Variants in GRIA4 observed in about 807,000 individuals in gnomAD.
The protein encoded by GRIA4 is glutamate ionotropic receptor AMPA type subunit 4.
GRIA4 carries 34 observed loss-of-function variants against 104.0 expected under a neutral mutation model. The observed-to-expected ratio is 0.33, with a 90% CI of 0.25 to 0.44. The LOEUF is 0.44. Ranked by LOEUF, GRIA4 falls within the 20% of genes least tolerant of loss-of-function variation. The probability of loss-of-function intolerance (pLI) is 1.00; values close to 1 mark genes in which losing one functional copy is unlikely to be tolerated. For synonymous variants in GRIA4, 386 were observed against 381.9 expected, an observed-to-expected ratio of 1.01 and a Z score of -0.13; for missense variants, 750 against 1,096.5, an observed-to-expected ratio of 0.68 and a Z score of 4.46.
At chr11:105,671,118 C>T (rs1205632005) in intron 3 of GRIA4, among the ~76,000 whole-genome samples, 1 of 152,074 alleles carries the variant, frequency 6.6e-6, no homozygotes, top group African/African-American at 2.4e-5. Context: ...TGGGTAATAC[C>T]AGATAATTTT....
chr11:105,798,110 A>G (rs534723541), intron 4 of GRIA4, among the ~76,000 whole-genome samples: 1 of 152,252 alleles, frequency 6.6e-6, no homozygotes, highest in Non-Finnish European at 1.5e-5. Context: ...ATACACACAC[A>G]CACATGCACA....
At chr11:105,762,117 A>G (rs1940685939) in intron 4 of GRIA4, among the ~76,000 whole-genome samples, 1 of 150,674 alleles carries the variant, frequency 6.6e-6, no homozygotes, top group Non-Finnish European at 1.5e-5. Context: ...TCTGTCTCCC[A>G]GCTTTAAGCG....
At chr11:105,822,919 G>A (rs982159294) in intron 4 of GRIA4, among the ~76,000 whole-genome samples, 2 of 152,100 alleles carry the variant, frequency 1.3e-5, no homozygotes, top group Admixed American at 1.3e-4. Flanking sequence ...TCTTTCTGCT[G>A]TCTTTAATAC....
chr11:105,869,271 T>A (rs1945534482), intron 5 of GRIA4, among the ~76,000 whole-genome samples: 1 of 152,156 alleles, frequency 6.6e-6, no homozygotes, highest in South Asian at 2.1e-4. Context: ...ACGATTAGGT[T>A]AGGTTCAACT....
At chr11:105,675,467 G>A (rs1952507189) in intron 3 of GRIA4, among the ~76,000 whole-genome samples, 1 of 151,784 alleles carries the variant, frequency 6.6e-6, no homozygotes, top group African/African-American at 2.4e-5. Context: ...TCCAGCATTA[G>A]CGTTCCTCTC....
intron 4 of GRIA4, among the ~76,000 whole-genome samples, chr11:105,766,952 T>G (rs1489964605): frequency 1.3e-5 from 2 of 152,176 alleles, no homozygotes; most frequent in Admixed American, 1.3e-4. Context: ...TTGTCCTTTC[T>G]TGCTTTATTC....
At position 105,931,536 on chromosome 11, in the gene GRIA4, C is replaced by G. The variant is rs71486034; in HGVS notation, c.2047-2186C>G. On this transcript the variant is annotated intron_variant, in intron 13 of 16. Transcript: ENST00000282499. ...TGGCCAACATGATGAAACCCCGTCTCTACTAAAAAAATACAAAAATTAGCT... is the reference window on the plus strand; with the variant it reads ...TGGCCAACATGATGAAACCCCGTCTGTACTAAAAAAATACAAAAATTAGCT... Among the ~76,000 whole-genome samples, 550 of 152,002 alleles carry G rather than the reference C, an allele frequency of 3.6e-3. 1 individual carries two copies. The highest frequency in any genetic ancestry group is 5.6e-3 in the Non-Finnish European group (379 of 67,968).
intron 5 of GRIA4, among the ~76,000 whole-genome samples, chr11:105,871,983 T>C (rs954499764): frequency 6.6e-6 from 1 of 151,992 alleles, no homozygotes; most frequent in Non-Finnish European, 1.5e-5. Flanking sequence ...AAGTCAGAAA[T>C]GTATGTGAAA....
At chr11:105,755,938 T>C (rs1940286211) in intron 4 of GRIA4, among the ~76,000 whole-genome samples, 1 of 152,178 alleles carries the variant, frequency 6.6e-6, no homozygotes, top group African/African-American at 2.4e-5. Context: ...CGTCATTGCC[T>C]CCTCTGGTTC....
chr11:105,844,628 T>C lies in GRIA4; in HGVS notation c.488-17396T>C, dbSNP rs111452888. Among the ~76,000 whole-genome samples the C allele has an allele frequency of 1.8e-3, 269 of 152,360 alleles. 2 individuals carry two copies. Among genetic ancestry groups the C allele is most frequent in the African/African-American group, 6.2e-3 (257 of 41,576 alleles). ...TGTACATTTTTAGGACTTATGTCAC[T>C]GGGAAAATATGTTAAGAATTATTTC... On this transcript the variant is annotated intron_variant, in intron 4 of 16. Transcript: ENST00000282499.
At position 105,860,956 on chromosome 11, in the gene GRIA4, GAAAAAAAA is replaced by G. The variant is rs55824302; in HGVS notation, c.488-1054_488-1047del. Reference sequence around the variant, plus strand: ...CCTGGGCAACAGAGCAAGACTGTCTGAAAAAAAAAAAAAAAAAAAAAGAGAGATGGAAA... The same window carrying G: ...CCTGGGCAACAGAGCAAGACTGTCTGAAAAAAAAAAAAAGAGAGATGGAAA... On this transcript the variant is annotated intron_variant, in intron 4 of 16. Transcript: ENST00000282499. 3.8e-3 allele frequency among the ~76,000 whole-genome samples: 402 copies of G among 106,100 alleles called. 2 individuals carry two copies. Among genetic ancestry groups the G allele is most frequent in the African/African-American group, 0.012 (338 of 28,074 alleles). The allele number at this position is 106,100 out of a possible 152,430, so 69.6% of individuals were successfully genotyped here. A position where few individuals can be genotyped will look rare whatever the true frequency, so the allele number is the denominator to read the frequency against.
intron 3 of GRIA4, among the ~76,000 whole-genome samples, chr11:105,700,056 C>A (rs1476229794): frequency 1.3e-5 from 2 of 152,154 alleles, no homozygotes; most frequent in East Asian, 1.9e-4. Context: ...TATGGTAAAT[C>A]CACACATATT....
intron 4 of GRIA4, among the ~76,000 whole-genome samples, chr11:105,780,914 C>G (rs1412605261): frequency 6.6e-6 from 1 of 152,126 alleles, no homozygotes; most frequent in Admixed American, 6.6e-5. Context: ...TAGCAGGATA[C>G]TGTTGTGTCA....
intron 4 of GRIA4, among the ~76,000 whole-genome samples, chr11:105,778,955 G>A (rs1405843696): frequency 9.5e-6 from 1 of 105,650 alleles, no homozygotes; most frequent in Non-Finnish European, 1.7e-5. Flanking sequence ...CCTACAACAG[G>A]CCCTGGTGTG....
intron 3 of GRIA4, among the ~76,000 whole-genome samples, chr11:105,621,203 G>T (rs1189809153): frequency 1.3e-5 from 2 of 151,612 alleles, no homozygotes; most frequent in African/African-American, 4.8e-5. Flanking sequence ...ATTCCAAAAT[G>T]AGCAGACTTT....
intron 10 of GRIA4, among the ~76,000 whole-genome samples, chr11:105,918,106 A>G (rs1315509915): frequency 6.6e-6 from 1 of 152,150 alleles, no homozygotes; most frequent in African/African-American, 2.4e-5. Context: ...ACATTAGGAA[A>G]GCAGATTTAA....
At chr11:105,903,611 C>T (rs1946942259) in intron 7 of GRIA4, among the ~76,000 whole-genome samples, 1 of 152,054 alleles carries the variant, frequency 6.6e-6, no homozygotes, top group Admixed American at 6.5e-5. Flanking sequence ...CTTTTTAAGT[C>T]AGGATGATAA....
chr11:105,860,848 A>C (rs1213836865), intron 4 of GRIA4, among the ~76,000 whole-genome samples: 1 of 151,680 alleles, frequency 6.6e-6, no homozygotes, highest in Non-Finnish European at 1.5e-5. Flanking sequence ...AGTCCCAGCT[A>C]CTTGGGAGGC....
chr11:105,727,711 G>A (rs543227444), intron 3 of GRIA4, among the ~76,000 whole-genome samples: 137 of 152,212 alleles, frequency 9.0e-4, no homozygotes, highest in Middle Eastern at 3.4e-3. Context: ...AAGAGAGTGG[G>A]GGCCAATATT....
Sources: gnomAD v4.1 joint callset for allele counts (sites outside exome capture counted in the v4.1 genomes callset) on GRCh38, gnomAD v4.1.1 for gene constraint, MANE v1.5 for transcripts, NCBI Gene and HGNC (gene_info 2026-07-23, HGNC 2026-07-21) for gene names.